The following ZFPM1 variants were observed in gnomAD, a reference collection of about 807,000 sequenced individuals.
ZFPM1 encodes zinc finger protein, FOG family member 1, also known as zinc finger protein ZFPM1.
Under a neutral mutation model 46.3 loss-of-function variants are expected in ZFPM1, and 28 were observed. That is an observed-to-expected ratio of 0.60 (90% CI 0.45 to 0.83). The LOEUF is 0.83. Among genes scored for constraint, ZFPM1 ranks in the 40% least tolerant of loss-of-function variants. The pLI is 0.00. For missense variants in ZFPM1, 1,878 were observed against 1,432.4 expected, an observed-to-expected ratio of 1.31 and a Z score of -5.02; for synonymous variants, 957 against 675.9, an observed-to-expected ratio of 1.42 and a Z score of -6.45.
Position 88,534,232 on chromosome 16 carries a change from G to A in ZFPM1, c.2274G>A (p.Pro758=), listed in dbSNP as rs1477534596. Residue 758 remains proline (P), a synonymous_variant, in exon 10 of 10, where the codon CCG becomes CCA. Transcript: ENST00000319555. The part of the protein sequence containing the change: ...ELHAAGAPPP[P]PPGHAPAPES... ...ACGCGGCCGGCGCCCCGCCCCCCCC[G>A]CCGCCCGGCCACGCCCCCGCGCCCG... The A allele has an allele frequency of 1.4e-5, 6 of 428,070 alleles. No individual in the cohort carries two copies. Among genetic ancestry groups the A allele is most frequent in the South Asian group, 1.9e-4 (2 of 10,316 alleles). The allele number at this position is 428,070 out of a possible 1,614,324, so 26.5% of individuals were successfully genotyped here.
At chr16:88,532,261 C>T (rs35790756) in intron 7 of ZFPM1, 26 bp downstream of exon 7, 144,548 of 1,557,902 alleles carry the variant, frequency 0.093, 8,716 homozygotes, top group East Asian at 0.36. Flanking sequence ...GGACGCGGGT[C>T]CTCAGGATGC....
Position 88,469,810 on chromosome 16 carries a change from GT to G in ZFPM1, c.41-16128del, listed in dbSNP as rs1443128713. On this transcript the variant is annotated intron_variant, in intron 1 of 9. Transcript: ENST00000319555. This position sits in a 1 kb window ranked among gnomAD's most constrained non-coding sequence, Gnocchi z 4.3. ...TAAGGAGAGGAAGTAGGGAGGGGCC[GT>G]CCGACCAGAACCAGACATCACCTTG... 1.3e-5 allele frequency among the ~76,000 whole-genome samples: 2 copies of G among 152,048 alleles called. No homozygotes were observed. The highest frequency in any genetic ancestry group is 4.8e-5 in the African/African-American group (2 of 41,396).
At chr16:88,461,765 T>C (rs1421720201) in intron 1 of ZFPM1, among the ~76,000 whole-genome samples, 1 of 152,188 alleles carries the variant, frequency 6.6e-6, no homozygotes, top group East Asian at 1.9e-4. Context: ...TGCCACGCCC[T>C]GGACTGGGCT....
At chr16:88,486,709 A>G (rs1362838847) in intron 2 of ZFPM1, among the ~76,000 whole-genome samples, 1 of 133,398 alleles carries the variant, frequency 7.5e-6, no homozygotes, top group Non-Finnish European at 1.6e-5. Context: ...GCAAGTGGGT[A>G]CTGGGGGCAC....
In ZFPM1 at chr16:88,535,144, A is replaced by G; in HGVS notation, c.*165A>G. On this transcript the variant is annotated 3_prime_UTR_variant, in exon 10 of 10. Coordinates refer to ENST00000319555, the MANE Select transcript of ZFPM1 (RefSeq NM_153813.3). ...CCCGCCTGGACCCTTGGCACTTAATAAAGAAGTTCAGTTTGATGAGCATGG... is the reference window on the plus strand; with the variant it reads ...CCCGCCTGGACCCTTGGCACTTAATGAAGAAGTTCAGTTTGATGAGCATGG... The G allele has an allele frequency of 2.4e-6, 2 of 838,946 alleles. No homozygotes were observed. The highest frequency in any genetic ancestry group is 3.2e-6 in the Non-Finnish European group (2 of 622,946). The allele number at this position is 838,946 out of a possible 1,614,324, so 52.0% of individuals were successfully genotyped here. A position where few individuals can be genotyped will look rare whatever the true frequency, so the allele number is the denominator to read the frequency against.
intron 3 of ZFPM1, 102 bp downstream of exon 3, chr16:88,489,255 G>T: frequency 1.4e-6 from 2 of 1,456,402 alleles, no homozygotes; most frequent in Non-Finnish European, 1.8e-6. Context: ...TGTGCAGGTT[G>T]CTGGAGACCC....
rs11076644 is a variant in ZFPM1 at position 88,536,076 on chromosome 16, T to G, written c.*1097T>G. The G allele has an allele frequency of 1.3e-5, 2 of 151,932 alleles. No individual in the cohort carries two copies. Among genetic ancestry groups the G allele is most frequent in the African/African-American group, 2.4e-5 (1 of 41,336 alleles). 9.4% of individuals were successfully genotyped at this position (151,932 alleles called of 1,614,324 possible). On this transcript the variant is annotated 3_prime_UTR_variant, in exon 10 of 10. Coordinates refer to ENST00000319555, the MANE Select transcript of ZFPM1 (RefSeq NM_153813.3). ...GCTCAAGTGATCTTCCCACCTCAGT[T>G]TCCTCAGTAGCTGGGGCTACAGGTG...
intron 2 of ZFPM1, among the ~76,000 whole-genome samples, chr16:88,487,719 C>A (rs1368960937): frequency 3.3e-5 from 5 of 152,174 alleles, no homozygotes; most frequent in Non-Finnish European, 7.4e-5. Flanking sequence ...AGGCCTCACC[C>A]CCATCTGCAC....
chr16:88,505,303 C>T (rs1429000841), intron 3 of ZFPM1, among the ~76,000 whole-genome samples: 1 of 152,122 alleles, frequency 6.6e-6, no homozygotes, highest in Non-Finnish European at 1.5e-5. Flanking sequence ...GCTAGGGCCT[C>T]GGCGAGGAGG....
intron 3 of ZFPM1, among the ~76,000 whole-genome samples, chr16:88,507,120 G>A (rs970306448): frequency 3.9e-5 from 6 of 152,212 alleles, no homozygotes; most frequent in African/African-American, 1.4e-4. Flanking sequence ...CACTGCAAGT[G>A]GGGGTATGGC....
At chr16:88,453,278 C>A (rs1164268606), upstream of ZFPM1, 1 of 146,972 alleles carries the variant, frequency 6.8e-6, no homozygotes, top group South Asian at 2.1e-4. Context: ...CCCCGTGCCT[C>A]CAGCCCGCCA....
chr16:88,514,637 G>C, intron 4 of ZFPM1, 117 bp downstream of exon 4: 2 of 1,324,956 alleles, frequency 1.5e-6, no homozygotes, highest in Non-Finnish European at 2.0e-6. Flanking sequence ...GAAGATGTGG[G>C]CCTGAGATAT....
chr16:88,502,299 G>A (rs1371341734), intron 3 of ZFPM1, among the ~76,000 whole-genome samples: 1 of 152,036 alleles, frequency 6.6e-6, no homozygotes, highest in African/African-American at 2.4e-5. Flanking sequence ...TGCTATCTCG[G>A]GTTTATTGCG....
chr16:88,460,264 C>T (rs1907757657), intron 1 of ZFPM1, among the ~76,000 whole-genome samples: 1 of 152,204 alleles, frequency 6.6e-6, no homozygotes, highest in East Asian at 1.9e-4. Flanking sequence ...CGAGGGTCCC[C>T]AGCCTACTGT....
At chr16:88,462,067 G>A (rs777681386) in intron 1 of ZFPM1, among the ~76,000 whole-genome samples, 5 of 152,218 alleles carry the variant, frequency 3.3e-5, no homozygotes, top group Admixed American at 6.5e-5. Flanking sequence ...TTGGGGGAAG[G>A]CAGTGGTCCT....
chr16:88,478,025 G>T (rs896654859), intron 1 of ZFPM1, among the ~76,000 whole-genome samples: 2 of 152,182 alleles, frequency 1.3e-5, no homozygotes, highest in African/African-American at 4.8e-5. Flanking sequence ...GAAGAGGCAC[G>T]AGCTCCCCAT....
intron 1 of ZFPM1, among the ~76,000 whole-genome samples, chr16:88,456,597 G>A (rs149166222): frequency 6.6e-6 from 1 of 152,148 alleles, no homozygotes; most frequent in Admixed American, 6.5e-5. Context: ...AGGTGGTCAG[G>A]GACACTTCTT....
At chr16:88,510,803 A>G (rs894783966) in intron 3 of ZFPM1, among the ~76,000 whole-genome samples, 1 of 151,910 alleles carries the variant, frequency 6.6e-6, no homozygotes, top group South Asian at 2.1e-4. Flanking sequence ...CCCACTGCCT[A>G]CCCTTGGGCC....
intron 2 of ZFPM1, among the ~76,000 whole-genome samples, chr16:88,487,871 A>G (rs944923681): frequency 1.3e-5 from 2 of 152,172 alleles, no homozygotes; most frequent in Non-Finnish European, 2.9e-5. Context: ...CAGGACGGCC[A>G]GGCCAGGTGC....
Sources: allele counts gnomAD v4.1 joint callset (sites outside exome capture counted in the v4.1 genomes callset), GRCh38; gene constraint gnomAD v4.1.1; non-coding constraint Gnocchi (gnomAD v3.1); transcripts MANE v1.5; gene names NCBI Gene and HGNC (gene_info 2026-07-23, HGNC 2026-07-21).